Variants in KCNH8 observed in about 807,000 individuals in gnomAD.
The protein encoded by KCNH8 is potassium voltage-gated channel subfamily H member 8, also known as voltage-gated delayed rectifier potassium channel KCNH8.
KCNH8 carries 70 observed loss-of-function variants against 103.6 expected under a neutral mutation model. That is an observed-to-expected ratio of 0.68 (90% CI 0.56 to 0.82). The LOEUF is 0.82. Ranked by LOEUF, KCNH8 falls within the 40% of genes least tolerant of loss-of-function variation. The pLI is 0.00. For synonymous variants in KCNH8, 498 were observed against 489.4 expected, an observed-to-expected ratio of 1.02 and a Z score of -0.23; for missense variants, 1,217 against 1,329.9, an observed-to-expected ratio of 0.92 and a Z score of 1.32.
intron 7 of KCNH8, among the ~76,000 whole-genome samples, chr3:19,406,817 A>G (rs912533033): frequency 6.6e-6 from 1 of 152,134 alleles, no homozygotes; most frequent in African/African-American, 2.4e-5. Context: ...GAGAACATAG[A>G]TTGAGTGTTA....
chr3:19,429,624 A>G (rs2067089437), intron 7 of KCNH8, among the ~76,000 whole-genome samples: 1 of 152,168 alleles, frequency 6.6e-6, no homozygotes, highest in Admixed American at 6.5e-5. Flanking sequence ...GGTTTGTTAC[A>G]TAGGTAAACT....
chr3:19,340,357 A>ATTTTTTTTTTTTTTTTTTTTAT (rs33979047), intron 3 of KCNH8, among the ~76,000 whole-genome samples: 1 of 143,942 alleles, frequency 6.9e-6, no homozygotes, highest in Non-Finnish European at 1.5e-5. Flanking sequence ...TTTTTTTTTA[A>ATTTTTTTTTTTTTTTTTTTTAT]TTTTTTTTTT....
At chr3:19,493,978 T>C (rs2068381278) in intron 11 of KCNH8, among the ~76,000 whole-genome samples, 1 of 152,178 alleles carries the variant, frequency 6.6e-6, no homozygotes, top group Non-Finnish European at 1.5e-5. Context: ...ATCCAATAGA[T>C]ATTTTTTCTG....
intron 2 of KCNH8, among the ~76,000 whole-genome samples, chr3:19,274,883 CCCCTCCCCTTCCCTT>C (rs2064644640): frequency 1.1e-5 from 1 of 94,820 alleles, no homozygotes; most frequent in Non-Finnish European, 1.9e-5. Context: ...CCCCACCCCT[CCCCTCCCCTTCCCTT>C]CCCTCTCTCT....
intron 3 of KCNH8, among the ~76,000 whole-genome samples, chr3:19,288,181 CTTTTTTTTTTT>C (rs767659898): frequency 1.3e-3 from 49 of 38,178 alleles, no homozygotes; most frequent in Middle Eastern, 0.036. Context: ...TATCAAACTT[CTTTTTTTTTTT>C]TTTTTTTTTT....
chr3:19,238,760 G>T (rs117057828), intron 1 of KCNH8, among the ~76,000 whole-genome samples: 10 of 152,130 alleles, frequency 6.6e-5, no homozygotes, highest in Middle Eastern at 3.4e-3. Flanking sequence ...ACACATTTTG[G>T]GTCTTTTTCC....
intron 11 of KCNH8, among the ~76,000 whole-genome samples, chr3:19,494,228 A>C (rs2125226715): frequency 6.6e-6 from 1 of 152,268 alleles, no homozygotes; most frequent in South Asian, 2.1e-4. Flanking sequence ...CATTTACTTT[A>C]TCCAGTGATA....
At chr3:19,208,765 T>C (rs1022807442) in intron 1 of KCNH8, among the ~76,000 whole-genome samples, 5 of 151,926 alleles carry the variant, frequency 3.3e-5, no homozygotes, top group Non-Finnish European at 7.4e-5. Flanking sequence ...TTATGGCAGA[T>C]ATGGTGTTCT....
At chr3:19,417,477 T>C (rs2066881645) in intron 7 of KCNH8, among the ~76,000 whole-genome samples, 1 of 151,850 alleles carries the variant, frequency 6.6e-6, no homozygotes, top group African/African-American at 2.4e-5. Flanking sequence ...GTAAGATTAT[T>C]ACAAGATTAT....
At chr3:19,208,372 G>T (rs1416851512) in intron 1 of KCNH8, among the ~76,000 whole-genome samples, 1 of 151,946 alleles carries the variant, frequency 6.6e-6, no homozygotes, top group Admixed American at 6.6e-5. Flanking sequence ...TAAAATATAT[G>T]TAATCTGTTC....
intron 1 of KCNH8, among the ~76,000 whole-genome samples, chr3:19,228,424 T>C (rs1341036230): frequency 6.6e-6 from 1 of 152,216 alleles, no homozygotes; most frequent in Non-Finnish European, 1.5e-5. Flanking sequence ...CAGGCTTATA[T>C]TGAGCACTTT....
chr3:19,294,366 C>T (rs2064968659), intron 3 of KCNH8, among the ~76,000 whole-genome samples: 1 of 152,138 alleles, frequency 6.6e-6, no homozygotes, highest in African/African-American at 2.4e-5. Context: ...ATGTTCCTTT[C>T]ACTTGCTGAA....
At chr3:19,196,747 C>A (rs971069769) in intron 1 of KCNH8, among the ~76,000 whole-genome samples, 2 of 151,938 alleles carry the variant, frequency 1.3e-5, no homozygotes, top group Non-Finnish European at 2.9e-5. Context: ...CCAAAAAAAT[C>A]CAACTAGTTG....
At chr3:19,163,143 A>G (rs1424249614) in intron 1 of KCNH8, among the ~76,000 whole-genome samples, 1 of 151,890 alleles carries the variant, frequency 6.6e-6, no homozygotes, top group Non-Finnish European at 1.5e-5. Context: ...AAAAGCAAAA[A>G]CATAGTCTTC....
At chr3:19,348,055 C>T (rs1162398854) in intron 5 of KCNH8, 90 bp downstream of exon 5, 2 of 1,469,532 alleles carry the variant, frequency 1.4e-6, no homozygotes, top group Non-Finnish European at 1.9e-6. Context: ...GAACTAAGAT[C>T]CATTTGCATG....
intron 1 of KCNH8, among the ~76,000 whole-genome samples, chr3:19,229,996 G>A (rs1376777945): frequency 2.6e-5 from 4 of 151,112 alleles, no homozygotes; most frequent in African/African-American, 7.4e-5. Flanking sequence ...ACAGTTCCAC[G>A]TAGCTGGGGA....
At chr3:19,201,221 G>C in intron 1 of KCNH8, among the ~76,000 whole-genome samples, 1 of 69,092 alleles carries the variant, frequency 1.4e-5, no homozygotes, top group East Asian at 4.8e-4. Flanking sequence ...GAAGTAGCAA[G>C]ACTCTGCCTC....
chr3:19,315,519 G>A (rs1209782880), intron 3 of KCNH8, among the ~76,000 whole-genome samples: 4 of 151,926 alleles, frequency 2.6e-5, no homozygotes, highest in Admixed American at 2.6e-4. Context: ...CCAACACATA[G>A]TAGATAGAGG....
chr3:19,348,771 G>A (rs1201586817), intron 5 of KCNH8, among the ~76,000 whole-genome samples: 1 of 151,996 alleles, frequency 6.6e-6, no homozygotes, highest in Non-Finnish European at 1.5e-5. Context: ...AAAGATGAGA[G>A]GATGTTTGGA....
Sources: gnomAD v4.1 joint callset for allele counts (sites outside exome capture counted in the v4.1 genomes callset) on GRCh38, gnomAD v4.1.1 for gene constraint, MANE v1.5 for transcripts, NCBI Gene and HGNC (gene_info 2026-07-23, HGNC 2026-07-21) for gene names.